SSBP3: variants seen among roughly 807,000 people sequenced by gnomAD.
SSBP3 encodes the protein single stranded DNA binding protein 3, also known as single-stranded DNA-binding protein 3.
A neutral mutation model predicts 69.6 loss-of-function variants in SSBP3; 5 were observed. The ratio of observed to expected loss-of-function variants is 0.07; its 90% CI spans 0.04 to 0.15. The LOEUF (loss-of-function observed/expected upper bound fraction) is 0.15, where lower values mean the gene tolerates loss of function less well. Among genes scored for constraint, SSBP3 ranks in the 10% least tolerant of loss-of-function variants. The pLI is 1.00. For missense variants in SSBP3, 312 were observed against 534.0 expected (o/e 0.58, Z 4.10); for synonymous variants, 196 against 193.4 (o/e 1.01, Z -0.11).
intron 5 of SSBP3, among the ~76,000 whole-genome samples, chr1:54,264,146 A>G (rs966257100): frequency 1.3e-5 from 2 of 152,116 alleles, no homozygotes; most frequent in African/African-American, 4.8e-5. Flanking sequence ...ACAAAAAAAT[A>G]CAAAAGCTAG....
intron 14 of SSBP3, chr1:54,236,565 G>A (rs950165744): frequency 1.3e-5 from 2 of 152,216 alleles, no homozygotes; most frequent in African/African-American, 4.8e-5. Flanking sequence ...GTAAGCCAAC[G>A]TGCCTGGCCT....
chr1:54,375,186 A>G (rs1220759059), intron 4 of SSBP3, among the ~76,000 whole-genome samples: 1 of 152,182 alleles, frequency 6.6e-6, no homozygotes, highest in Non-Finnish European at 1.5e-5. Context: ...AGGGCTCCGC[A>G]GCACAACAGC....
chr1:54,272,249 G>GAAC, intron 5 of SSBP3, among the ~76,000 whole-genome samples: 1 of 152,258 alleles, frequency 6.6e-6, no homozygotes, highest in Non-Finnish European at 1.5e-5. Context: ...CCTGCACTTA[G>GAAC]AACAGTGCCT....
At chr1:54,328,876 C>A (rs1427250997) in intron 4 of SSBP3, among the ~76,000 whole-genome samples, 1 of 152,222 alleles carries the variant, frequency 6.6e-6, no homozygotes, top group Non-Finnish European at 1.5e-5. Context: ...CCAGGCCCTA[C>A]TTCCTCCACA....
chr1:54,239,320 C>G (rs1644561963), intron 13 of SSBP3, 121 bp from the exon 14 acceptor site: 1 of 725,744 alleles, frequency 1.4e-6, no homozygotes, highest in Non-Finnish European at 2.2e-6. Context: ...CTAAGTACCA[C>G]CATTTTCTGG....
chr1:54,404,045 G>A (rs763024450), intron 3 of SSBP3, among the ~76,000 whole-genome samples: 2 of 151,874 alleles, frequency 1.3e-5, no homozygotes, highest in African/African-American at 4.8e-5. Context: ...GCTCCCAGAG[G>A]AAAGGAAGGA....
intron 4 of SSBP3, among the ~76,000 whole-genome samples, chr1:54,363,676 AAAAAC>A (rs1229676342): frequency 2.0e-5 from 3 of 152,204 alleles, no homozygotes; most frequent in African/African-American, 4.8e-5. Context: ...AAAGTCCCCC[AAAAAC>A]AAAACAAAAC....
chr1:54,290,564 G>C (rs1387540293), intron 4 of SSBP3, among the ~76,000 whole-genome samples: 2 of 152,250 alleles, frequency 1.3e-5, no homozygotes, highest in Non-Finnish European at 2.9e-5. Flanking sequence ...GGAAGTCTGA[G>C]GCCACCATAC....
At chr1:54,373,857 G>A (rs1647175096) in intron 4 of SSBP3, among the ~76,000 whole-genome samples, 1 of 152,220 alleles carries the variant, frequency 6.6e-6, no homozygotes, top group Non-Finnish European at 1.5e-5. Flanking sequence ...GGCTGCTTGA[G>A]GAAAGTGTCT....
chr1:54,406,872 C>T (rs182065758), upstream of SSBP3, among the ~76,000 whole-genome samples: 998 of 151,790 alleles, frequency 6.6e-3, 10 homozygotes, highest in African/African-American at 0.023. Context: ...CGCACCAGCC[C>T]AGCCCTTATC....
intron 4 of SSBP3, among the ~76,000 whole-genome samples, chr1:54,319,373 G>A (rs1056575167): frequency 6.6e-6 from 1 of 152,036 alleles, no homozygotes; most frequent in African/African-American, 2.4e-5. Flanking sequence ...ACGTGAATGG[G>A]AGTTGCAGAG....
intron 4 of SSBP3, among the ~76,000 whole-genome samples, chr1:54,383,384 GA>G (rs71736550): frequency 0.61 from 90,431 of 148,018 alleles, 28,446 homozygotes; most frequent in African/African-American, 0.78. Flanking sequence ...TCTCTAAAAG[GA>G]AAAAAAAAAA....
intron 7 of SSBP3, among the ~76,000 whole-genome samples, chr1:54,256,189 TCAGA>T (rs386631269): frequency 0.065 from 9,895 of 152,008 alleles, 427 homozygotes; most frequent in South Asian, 0.23. Flanking sequence ...AGCATCACAC[TCAGA>T]CAATGCTAAT....
At chr1:54,405,680 G>A (rs1299874286) in intron 1 of SSBP3, among the ~76,000 whole-genome samples, 1 of 151,788 alleles carries the variant, frequency 6.6e-6, no homozygotes, top group African/African-American at 2.4e-5. Flanking sequence ...GGGCCCCCGC[G>A]CTCGACCCGC....
intron 4 of SSBP3, among the ~76,000 whole-genome samples, chr1:54,358,607 A>G (rs1450243825): frequency 1.3e-5 from 2 of 152,184 alleles, no homozygotes; most frequent in Non-Finnish European, 2.9e-5. Flanking sequence ...CCCTGCTGGT[A>G]AAGTGAGGAG....
At chr1:54,355,275 A>C (rs1047265307) in intron 4 of SSBP3, among the ~76,000 whole-genome samples, 1 of 152,260 alleles carries the variant, frequency 6.6e-6, no homozygotes, top group African/African-American at 2.4e-5. Flanking sequence ...ATTTCTGGAC[A>C]ATATCTATCT....
chr1:54,258,730 G>A lies in SSBP3; in HGVS notation c.367-581C>T, dbSNP rs1644966640. On this transcript the variant is annotated intron_variant, in intron 5 of 17. Coordinates refer to ENST00000610401, the Ensembl canonical transcript of SSBP3. This position sits in a 1 kb window ranked among gnomAD's most constrained non-coding sequence, Gnocchi z 4.5. ...GGGGCACCGACAGATAAACAACAGA[G>A]GCAAGAGGAGCAAGGGGCACCACAG... is the stretch of plus-strand genomic sequence containing the variant. Among the ~76,000 whole-genome samples, 2 of 152,146 alleles carry A rather than the reference G, an allele frequency of 1.3e-5. No homozygotes were observed. Among genetic ancestry groups the A allele is most frequent in the African/African-American group, 4.8e-5 (2 of 41,428 alleles).
At chr1:54,312,724 C>T (rs1449153821) in intron 4 of SSBP3, among the ~76,000 whole-genome samples, 2 of 152,184 alleles carry the variant, frequency 1.3e-5, no homozygotes, top group African/African-American at 2.4e-5. Context: ...AGTGTTCAGA[C>T]AAGACCACCA....
At chr1:54,378,666 C>T (rs1374506128) in intron 4 of SSBP3, among the ~76,000 whole-genome samples, 1 of 152,190 alleles carries the variant, frequency 6.6e-6, no homozygotes, top group African/African-American at 2.4e-5. Flanking sequence ...GCGCTGACAG[C>T]CAGGCCTGCC....
Sources: allele counts gnomAD v4.1 joint callset (sites outside exome capture counted in the v4.1 genomes callset), GRCh38; gene constraint gnomAD v4.1.1; non-coding constraint Gnocchi (gnomAD v3.1); transcripts MANE v1.5; gene names NCBI Gene and HGNC (gene_info 2026-07-23, HGNC 2026-07-21).